The following CENPI variants were observed in gnomAD, a reference collection of about 807,000 sequenced individuals.
CENPI encodes centromere protein I.
Under a neutral mutation model 60.4 loss-of-function variants are expected in CENPI, and 4 were observed. The ratio of observed to expected loss-of-function variants is 0.07; its 90% CI spans 0.03 to 0.15. The LOEUF is 0.15. Ranked by LOEUF, CENPI falls within the 10% of genes least tolerant of loss-of-function variation. CENPI has a pLI of 1.00. For missense variants in CENPI, 444 were observed against 534.5 expected (o/e 0.83, Z 1.67); for synonymous variants, 157 against 189.4 (o/e 0.83, Z 1.40).
intron 16 of CENPI, among the ~76,000 whole-genome samples, chrX:101,144,541 C>T (rs905061509): frequency 3.7e-5 from 4 of 109,266 alleles, no homozygotes; most frequent in South Asian, 4.0e-4. Context: ...GTGCCACCAC[C>T]GCACTTAATT....
rs145773635 is a variant in CENPI at position 101,162,866 on chromosome X, T to C, written c.2170T>C (p.Phe724Leu). The C allele has an allele frequency of 1.6e-5, 19 of 1,209,150 alleles. No individual in the cohort carries two copies. The Admixed American group carries it at 2.0e-4, about 13-fold the overall frequency. Residue 724 changes from phenylalanine to leucine, a missense_variant, in exon 22 of 22, where the codon TTT (phenylalanine) becomes CTT (leucine). Physicochemically the swap from Phe to Leu is conservative, Grantham distance 22. Coordinates refer to ENST00000682095, the MANE Select transcript of CENPI (RefSeq NM_001386188.2). ...ATGGAGCTGGTATTTGGACTATTTA[T>C]TTTCACAGGGGTTACAAGGCTTGAA... is the stretch of plus-strand genomic sequence containing the variant. ...KKWSWYLDYL[F>L]SQGLQGLKLF... is the part of the protein sequence containing the mutation.
chrX:101,131,041 G>A (rs1415820756), intron 13 of CENPI, among the ~76,000 whole-genome samples: 1 of 111,283 alleles, frequency 9.0e-6, no homozygotes, highest in Non-Finnish European at 1.9e-5. Flanking sequence ...CCAGGCTGGA[G>A]TGTACTGGCA....
intron 6 of CENPI, among the ~76,000 whole-genome samples, chrX:101,118,043 C>T (rs150169370): frequency 8.1e-5 from 9 of 111,421 alleles, no homozygotes; most frequent in East Asian, 5.6e-4. Context: ...TGTAAGACCA[C>T]GGTGATTTGT....
At chrX:101,168,336 C>A (rs753874606), downstream of CENPI, among the ~76,000 whole-genome samples, 16 of 111,673 alleles carry the variant, frequency 1.4e-4, no homozygotes, top group African/African-American at 5.2e-4. Context: ...GAGGCTGAGG[C>A]GGGTGGATCA....
chrX:101,178,389 T>C, the CENPI span, among the ~76,000 whole-genome samples: 1 of 85,889 alleles, frequency 1.2e-5, no homozygotes. Context: ...TTCTTCTTCT[T>C]TTCTTCTTCT....
In CENPI at chrX:101,144,386, A is replaced by AT. The variant is rs780043847; in HGVS notation, c.1566-660dup. On this transcript the variant is annotated intron_variant, in intron 16 of 21. Coordinates refer to ENST00000682095, the MANE Select transcript of CENPI (RefSeq NM_001386188.2). ...GTGTGAGCCACTGCACCTCGCCTGA[A>AT]TTTTTTTTTTTTTTTTTTGAAACAG... 4.5e-3 allele frequency among the ~76,000 whole-genome samples: 408 copies of AT among 89,825 alleles called. 1 individual carries two copies. The highest frequency in any genetic ancestry group is 0.013 in the South Asian group (23 of 1,817). 78.0% of individuals were successfully genotyped at this position (89,825 alleles called of 115,157 possible).
intron 20 of CENPI, among the ~76,000 whole-genome samples, chrX:101,154,104 A>G (rs1227819403): frequency 1.8e-5 from 2 of 111,751 alleles, no homozygotes; most frequent in Non-Finnish European, 1.9e-5. Flanking sequence ...ATGGATCTAT[A>G]TGTCTATCCT....
At chrX:101,112,642 A>C (rs1205309417) in intron 6 of CENPI, among the ~76,000 whole-genome samples, 2 of 112,246 alleles carry the variant, frequency 1.8e-5, no homozygotes, top group Non-Finnish European at 3.8e-5. Flanking sequence ...CAATCAAAAC[A>C]TAACAGAATT....
chrX:101,158,149 T>C lies in CENPI; in HGVS notation c.2095-3379T>C, dbSNP rs182314773. Among the ~76,000 whole-genome samples, 64 of 112,173 alleles carry C rather than the reference T, an allele frequency of 5.7e-4. 2 individuals are homozygous for C. The highest frequency in any genetic ancestry group is 1.7e-4 in the Non-Finnish European group (9 of 53,277). The stretch of plus-strand genomic sequence containing the variant: ...GACAGAATTTCATTATTTTGTATGG[T>C]TGAATAATATCCCATTGTGTATATC... On this transcript the variant is annotated intron_variant, in intron 20 of 21. Coordinates refer to ENST00000682095, the MANE Select transcript of CENPI (RefSeq NM_001386188.2).
intron 6 of CENPI, 42 bp from the exon 7 acceptor site, chrX:101,120,360 A>T: frequency 1.6e-6 from 1 of 641,486 alleles, no homozygotes; most frequent in African/African-American, 2.2e-5. Flanking sequence ...TCTGTTCAAG[A>T]CATATTATCA....
chrX:101,117,769 A>G (rs2089638499), intron 6 of CENPI, among the ~76,000 whole-genome samples: 1 of 111,850 alleles, frequency 8.9e-6, no homozygotes. Flanking sequence ...GTAGCTATTA[A>G]AGTCGTAAGT....
intron 15 of CENPI, among the ~76,000 whole-genome samples, chrX:101,140,047 A>G (rs1377707772): frequency 9.0e-6 from 1 of 110,910 alleles, no homozygotes. Flanking sequence ...CGCGTTAGCC[A>G]GGATGGTCTC....
intron 20 of CENPI, 91 bp from the exon 21 acceptor site, chrX:101,161,437 T>C: frequency 1.3e-6 from 1 of 789,536 alleles, no homozygotes; most frequent in Non-Finnish European, 1.9e-6. Flanking sequence ...AATTTTCTGA[T>C]GATTTGTACT....
Position 101,120,852 on chromosome X carries a change from A to G in CENPI, c.687+68A>G, listed in dbSNP as rs2089669983. 3.4e-6 allele frequency: 3 copies of G among 881,182 alleles called. No individual in the cohort carries two copies. The East Asian group carries it at 9.5e-5, about 28-fold the overall frequency. The allele number at this position is 881,182 out of a possible 1,213,427, so 72.6% of individuals were successfully genotyped here. A position where few individuals can be genotyped will look rare whatever the true frequency, so the allele number is the denominator to read the frequency against. On this transcript the variant is annotated intron_variant, in intron 8 of 21. Coordinates refer to ENST00000682095, the MANE Select transcript of CENPI (RefSeq NM_001386188.2). ...CCAGGTACTGAGCCAGGCATTGGGA[A>G]TACAAAATCAAATAACTCTTGATCT...
At chrX:101,149,631 C>T (rs1045717382) in intron 20 of CENPI, among the ~76,000 whole-genome samples, 3 of 109,558 alleles carry the variant, frequency 2.7e-5, no homozygotes, top group South Asian at 8.0e-4. Context: ...CTCAGCCTCC[C>T]GAATAGCTGG....
intron 8 of CENPI, among the ~76,000 whole-genome samples, chrX:101,122,599 C>T (rs903865578): frequency 9.0e-6 from 1 of 111,382 alleles, no homozygotes; most frequent in African/African-American, 3.3e-5. Context: ...TCTTAGTACC[C>T]AGGTGCAGTG....
intron 11 of CENPI, among the ~76,000 whole-genome samples, chrX:101,128,065 T>C (rs1288933746): frequency 1.8e-5 from 2 of 111,123 alleles, no homozygotes; most frequent in Non-Finnish European, 3.8e-5. Context: ...CTGGGCGCGG[T>C]GGCTCACACT....
rs1298808412 is a variant in CENPI at position 101,140,079 on chromosome X, G to T, written c.1471-587G>T. Among the ~76,000 whole-genome samples the T allele has an allele frequency of 2.7e-5, 3 of 111,552 alleles. No individual in the cohort carries two copies. In the East Asian group the frequency reaches 8.5e-4, roughly 31 times the overall value. On this transcript the variant is annotated intron_variant, in intron 15 of 21. Transcript: ENST00000682095. ...TCTCGATCTGCTGACCTTCTGATCC[G>T]CCCGCCTCGGCCTCCCAAAGTGCTG...
the CENPI span, among the ~76,000 whole-genome samples, chrX:101,177,313 T>C: frequency 3.7e-4 from 40 of 106,793 alleles, no homozygotes; most frequent in African/African-American, 1.4e-3. Context: ...GCAAGTGGCA[T>C]GTGCAGGTGA....
Sources: allele counts gnomAD v4.1 joint callset (sites outside exome capture counted in the v4.1 genomes callset), GRCh38; gene constraint gnomAD v4.1.1; transcripts MANE v1.5; gene names NCBI Gene and HGNC (gene_info 2026-07-23, HGNC 2026-07-21).